ZFC3H1: variants seen among roughly 807,000 people sequenced by gnomAD.
ZFC3H1 encodes the protein zinc finger C3H1-type containing, also known as zinc finger C3H1 domain-containing protein.
A neutral mutation model predicts 243.7 loss-of-function variants in ZFC3H1; 71 were observed. That is an observed-to-expected ratio of 0.29 (90% CI 0.24 to 0.36). The LOEUF (loss-of-function observed/expected upper bound fraction) is 0.36. Ranked by LOEUF, ZFC3H1 falls within the 10% of genes least tolerant of loss-of-function variation. The pLI is 1.00. For synonymous variants in ZFC3H1, 838 were observed against 813.0 expected (o/e 1.03, Z -0.52); for missense variants, 1,966 against 2,317.1 (o/e 0.85, Z 3.11).
chr12:71,623,031 A>T (rs902435362), intron 24 of ZFC3H1, among the ~76,000 whole-genome samples: 22 of 42,738 alleles, frequency 5.1e-4, no homozygotes. Context: ...TGGACTGCTA[A>T]AAAAAAAAAA....
intron 5 of ZFC3H1, among the ~76,000 whole-genome samples, chr12:71,643,678 T>C (rs1354311520): frequency 6.6e-6 from 1 of 152,190 alleles, no homozygotes; most frequent in Non-Finnish European, 1.5e-5. Flanking sequence ...AATAGCCACA[T>C]GCACTAAGGT....
Position 71,634,152 on chromosome 12 carries a change from C to T in ZFC3H1, c.2510+3G>A. 1 of 1,609,998 alleles carries T rather than the reference C, an allele frequency of 6.2e-7. No individual in the cohort carries two copies. Among genetic ancestry groups the T allele is most frequent in the Non-Finnish European group, 8.5e-7 (1 of 1,178,454 alleles). On this transcript the variant is annotated splice_donor_region_variant and intron_variant, in intron 12 of 34. Transcript: ENST00000378743. Reference sequence around the variant, plus strand: ...TTAGATATGTGAAGATAACAAGGCTCACCTATGTTTTTTCAGTTTTGATTC... The same window carrying T: ...TTAGATATGTGAAGATAACAAGGCTTACCTATGTTTTTTCAGTTTTGATTC...
At chr12:71,640,262 T>C (rs1412360064) in intron 6 of ZFC3H1, among the ~76,000 whole-genome samples, 1 of 152,184 alleles carries the variant, frequency 6.6e-6, no homozygotes, top group Non-Finnish European at 1.5e-5. Flanking sequence ...CCTCAGGTGA[T>C]CCTCCCGCCT....
intron 32 of ZFC3H1, 123 bp from the exon 33 acceptor site, chr12:71,611,220 C>T (rs1404710933): frequency 9.9e-7 from 1 of 1,012,448 alleles, no homozygotes; most frequent in African/African-American, 1.7e-5. Flanking sequence ...TACAAAACTT[C>T]CTGAAAGTTA....
chr12:71,656,918 A>G lies in ZFC3H1; in HGVS notation c.982T>C (p.Ser328Pro), dbSNP rs747796679. 1 of 1,613,076 alleles carries G rather than the reference A, an allele frequency of 6.2e-7. No homozygotes were observed. Residue 328 changes from serine to proline, a missense_variant, in exon 2 of 35, where the codon TCC (serine) becomes CCC (proline). This residue lies in a region of ZFC3H1 where 484 missense variants were observed against 449.7 expected (regional missense o/e 1.08). Coordinates refer to ENST00000378743, the MANE Select transcript of ZFC3H1 (RefSeq NM_144982.5). ...GAATCAGTAGTGTCGGATTTCAGGGAAAGTGGTTTTGCTCCATCTTTAACT... is the reference window on the plus strand; with the variant it reads ...GAATCAGTAGTGTCGGATTTCAGGGGAAGTGGTTTTGCTCCATCTTTAACT... ...KKVKDGAKPLSLKSDTTDSSQ... is the reference protein window; with the variant it reads ...KKVKDGAKPLPLKSDTTDSSQ...
At position 71,610,428 on chromosome 12, in the gene ZFC3H1, TCA is replaced by T. The variant is rs747862217; in HGVS notation, c.5968_5969del (p.Ter1990AsnfsTer8). ...NSNKTESKNH[*>X] is the part of the protein sequence containing the mutation. ...ACTTAGAACTGACTGCACCCAGTGTTCAGTGATTCTTGCTTTCTGTTTTGTTA... is the reference window on the plus strand; with the variant it reads ...ACTTAGAACTGACTGCACCCAGTGTTGTGATTCTTGCTTTCTGTTTTGTTA... On this transcript the variant is annotated frameshift_variant and stop_lost, in exon 35 of 35. Transcript: ENST00000378743. LOFTEE classifies it high-confidence loss of function. 1.9e-6 allele frequency: 3 copies of T among 1,612,854 alleles called. No homozygotes were observed. The East Asian group carries it at 6.7e-5, about 36-fold the overall frequency.
chr12:71,658,981 T>A (rs1371915359), intron 1 of ZFC3H1, among the ~76,000 whole-genome samples: 1 of 152,168 alleles, frequency 6.6e-6, no homozygotes, highest in Admixed American at 6.5e-5. Flanking sequence ...CCTCTGAGAA[T>A]CTGACACCAT....
chr12:71,634,916 A>C (rs184919813), intron 10 of ZFC3H1, 91 bp from the exon 11 acceptor site: 2 of 1,382,810 alleles, frequency 1.4e-6, no homozygotes, highest in Non-Finnish European at 1.9e-6. Context: ...AACCCAGTGT[A>C]TACTGAATTT....
intron 5 of ZFC3H1, 103 bp from the exon 6 acceptor site, chr12:71,642,662 T>C (rs1349336948): frequency 5.1e-6 from 7 of 1,373,300 alleles, no homozygotes; most frequent in African/African-American, 4.3e-5. Flanking sequence ...TCAAAAATCA[T>C]GGTGATTCAG....
intron 2 of ZFC3H1, among the ~76,000 whole-genome samples, chr12:71,649,367 A>G (rs1880822053): frequency 6.6e-6 from 1 of 152,220 alleles, no homozygotes; most frequent in South Asian, 2.1e-4. Context: ...ACTTCATAAT[A>G]ACTCATAAGT....
chr12:71,650,764 A>C (rs577670992), intron 2 of ZFC3H1, among the ~76,000 whole-genome samples: 9 of 152,360 alleles, frequency 5.9e-5, no homozygotes, highest in African/African-American at 2.2e-4. Flanking sequence ...TATTCTCAGC[A>C]ATGCAGCCAG....
chr12:71,629,090 C>A, intron 19 of ZFC3H1, 53 bp from the exon 20 acceptor site: 3 of 1,393,370 alleles, frequency 2.2e-6, no homozygotes, highest in South Asian at 1.4e-5. Flanking sequence ...TTTTTTTTAA[C>A]ATTTTGAAGG....
chr12:71,633,746 C>T (rs573440704), intron 12 of ZFC3H1, among the ~76,000 whole-genome samples: 1 of 152,220 alleles, frequency 6.6e-6, no homozygotes, highest in East Asian at 1.9e-4. Context: ...AATGCATTTC[C>T]CTAGTTCAAG....
intron 14 of ZFC3H1, 34 bp from the exon 15 acceptor site, chr12:71,632,548 C>T (rs750915609): frequency 9.9e-6 from 15 of 1,515,322 alleles, no homozygotes; most frequent in Non-Finnish European, 1.2e-5. Flanking sequence ...TATTTTACAT[C>T]ACTGTGATTT....
intron 6 of ZFC3H1, 53 bp downstream of exon 6, chr12:71,642,381 CTA>C: frequency 1.2e-5 from 19 of 1,549,722 alleles, no homozygotes; most frequent in Non-Finnish European, 1.7e-5. Context: ...ACCATAATGA[CTA>C]TTCTCTATTT....
intron 30 of ZFC3H1, among the ~76,000 whole-genome samples, chr12:71,613,956 T>C (rs894693562): frequency 7.2e-5 from 11 of 152,180 alleles, no homozygotes; most frequent in Admixed American, 3.9e-4. Context: ...TTTTAGCCTA[T>C]AATGCACTGA....
chr12:71,623,327 G>T, intron 24 of ZFC3H1, 33 bp downstream of exon 24: 1 of 1,514,136 alleles, frequency 6.6e-7, no homozygotes, highest in Non-Finnish European at 9.0e-7. Context: ...TGTTATAACA[G>T]TTGATATTAC....
chr12:71,631,502 T>C (rs1051402197), intron 16 of ZFC3H1, among the ~76,000 whole-genome samples: 2 of 152,084 alleles, frequency 1.3e-5, no homozygotes, highest in African/African-American at 4.8e-5. Context: ...AAGATTCCAA[T>C]TATTTTTCCT....
chr12:71,652,964 C>T (rs990423778), intron 2 of ZFC3H1, among the ~76,000 whole-genome samples: 22 of 148,966 alleles, frequency 1.5e-4, no homozygotes, highest in Middle Eastern at 3.2e-3. Flanking sequence ...AAAAAAACAA[C>T]GACCATCTCA....
Sources: gnomAD v4.1 joint callset for allele counts (sites outside exome capture counted in the v4.1 genomes callset) on GRCh38, gnomAD v4.1.1 for gene constraint, gnomAD v4.1.1 regional missense constraint, MANE v1.5 for transcripts, NCBI Gene and HGNC (gene_info 2026-07-23, HGNC 2026-07-21) for gene names.